The following SORCS2 variants were observed in gnomAD, a reference collection of about 807,000 sequenced individuals.
SORCS2 encodes sortilin related VPS10 domain containing receptor 2, also known as VPS10 domain-containing receptor SorCS2.
A neutral mutation model predicts 141.6 loss-of-function variants in SORCS2; 100 were observed. The observed-to-expected ratio is 0.71, with a 90% confidence interval of 0.60 to 0.83. The LOEUF (loss-of-function observed/expected upper bound fraction) is 0.83, where lower values mean the gene tolerates loss of function less well. SORCS2 is among the 40% of genes least tolerant of loss of function. The pLI is 0.00. For synonymous variants in SORCS2, 789 were observed against 676.9 expected, an observed-to-expected ratio of 1.17 and a Z score of -2.57; for missense variants, 1,646 against 1,560.2, an observed-to-expected ratio of 1.05 and a Z score of -0.93.
At chr4:7,486,429 A>G (rs2109388118) in intron 2 of SORCS2, among the ~76,000 whole-genome samples, 1 of 128,320 alleles carries the variant, frequency 7.8e-6, no homozygotes, top group South Asian at 2.4e-4. Flanking sequence ...CTGGCCCTGG[A>G]CAGGGTCACT....
intron 3 of SORCS2, among the ~76,000 whole-genome samples, chr4:7,549,464 C>T (rs1453933925): frequency 1.3e-5 from 2 of 151,948 alleles, no homozygotes; most frequent in Non-Finnish European, 2.9e-5. Flanking sequence ...AAGCCAGAGG[C>T]CCCTGAGGCC....
At chr4:7,661,472 G>T in intron 5 of SORCS2, 28 bp from the exon 6 acceptor site, 1 of 1,550,930 alleles carries the variant, frequency 6.4e-7, no homozygotes, top group Non-Finnish European at 8.7e-7. Context: ...CTCCATTCCC[G>T]ACCCCAGCCT....
chr4:7,661,485 G>A lies in SORCS2; in HGVS notation c.888-15G>A, dbSNP rs911148987. On this transcript the variant is annotated splice_polypyrimidine_tract_variant and intron_variant, in intron 5 of 26. Transcript: ENST00000507866. Reference sequence around the variant, plus strand: ...GACTCCATTCCCGACCCCAGCCTCAGCTCTTCTTTTCCAGGTCTGTGTCTG... The same window carrying A: ...GACTCCATTCCCGACCCCAGCCTCAACTCTTCTTTTCCAGGTCTGTGTCTG... The A allele has an allele frequency of 6.4e-7, 1 of 1,551,546 alleles. No individual in the cohort carries two copies. The highest frequency in any genetic ancestry group is 2.4e-5 in the East Asian group (1 of 40,886).
chr4:7,457,275 G>A (rs761870203), intron 2 of SORCS2, among the ~76,000 whole-genome samples: 1 of 152,232 alleles, frequency 6.6e-6, no homozygotes, highest in African/African-American at 2.4e-5. Flanking sequence ...CTCAGTGCTG[G>A]GTGAGGTGAC....
chr4:7,262,256 A>G (rs988950426), intron 1 of SORCS2, among the ~76,000 whole-genome samples: 1 of 145,134 alleles, frequency 6.9e-6, no homozygotes, highest in Non-Finnish European at 1.5e-5. Flanking sequence ...CCATCCACCC[A>G]CCTATCCATC....
rs1731529323 is a variant in SORCS2 at position 7,495,061 on chromosome 4, C to T, written c.549-36469C>T. Among the ~76,000 whole-genome samples, 3 of 152,342 alleles carry T rather than the reference C, an allele frequency of 2.0e-5. No individual in the cohort carries two copies. The South Asian group carries it at 6.2e-4, about 32-fold the overall frequency. ...GAAGAAACAGAGAGGCAGAGCAAGGCCCTGCGACGTCGAAATGGATTGTTC... is the reference window on the plus strand; with the variant it reads ...GAAGAAACAGAGAGGCAGAGCAAGGTCCTGCGACGTCGAAATGGATTGTTC... On this transcript the variant is annotated intron_variant, in intron 2 of 26. Transcript: ENST00000507866.
chr4:7,685,059 G>T (rs1277658776), intron 10 of SORCS2, among the ~76,000 whole-genome samples: 1 of 152,214 alleles, frequency 6.6e-6, no homozygotes, highest in African/African-American at 2.4e-5. Context: ...CCTGTGTGGA[G>T]AATTAATTAC....
At chr4:7,643,194 T>G (rs1720854856) in intron 4 of SORCS2, among the ~76,000 whole-genome samples, 1 of 152,202 alleles carries the variant, frequency 6.6e-6, no homozygotes, top group South Asian at 2.1e-4. Context: ...ACTTGGATCC[T>G]GGACAGCCTT....
intron 3 of SORCS2, among the ~76,000 whole-genome samples, chr4:7,592,072 AC>A (rs761359586): frequency 6.6e-6 from 1 of 152,190 alleles, no homozygotes. Context: ...TTTAAGCACC[AC>A]ATGAGCCCTG....
In SORCS2 at chr4:7,192,561, G is replaced by T; in HGVS notation, c.-86G>T. ...CTCCTTTCTCTGCGCTCTCGCTCGCGCTCCCCAGCGCCCTCCTGCTCTCCC... is the reference window on the plus strand; with the variant it reads ...CTCCTTTCTCTGCGCTCTCGCTCGCTCTCCCCAGCGCCCTCCTGCTCTCCC... On this transcript the variant is annotated 5_prime_UTR_variant, in exon 1 of 27. Transcript: ENST00000507866. This position sits in a 1 kb window ranked among gnomAD's most constrained non-coding sequence, Gnocchi z 4.0. The T allele has an allele frequency of 2.0e-6, 2 of 975,884 alleles. No homozygotes were observed. Among genetic ancestry groups the T allele is most frequent in the Non-Finnish European group, 2.4e-6 (2 of 821,722 alleles). 60.5% of individuals were successfully genotyped at this position (975,884 alleles called of 1,614,324 possible).
intron 19 of SORCS2, among the ~76,000 whole-genome samples, chr4:7,724,636 A>G (rs1398687478): frequency 7.8e-5 from 10 of 128,344 alleles, no homozygotes; most frequent in East Asian, 7.3e-4. Flanking sequence ...GATGGTGGTG[A>G]TGGTGGAGGT....
At position 7,728,338 on chromosome 4, in the gene SORCS2, G is replaced by C. The variant is rs1325824003; in HGVS notation, c.2870-12G>C. 2 of 1,605,660 alleles carry C rather than the reference G, an allele frequency of 1.2e-6. No individual in the cohort carries two copies. The highest frequency in any genetic ancestry group is 1.7e-6 in the Non-Finnish European group (2 of 1,173,614). On this transcript the variant is annotated splice_polypyrimidine_tract_variant and intron_variant, in intron 21 of 26. Coordinates refer to ENST00000507866, the MANE Select transcript of SORCS2 (RefSeq NM_020777.3). The stretch of plus-strand genomic sequence containing the variant: ...CAGAACTGACCAGTCTCCCTTCTCT[G>C]CGTCTTTCCAGATCAATTTCAAGTC...
At chr4:7,550,110 G>C (rs1344575491) in intron 3 of SORCS2, among the ~76,000 whole-genome samples, 1 of 105,464 alleles carries the variant, frequency 9.5e-6, no homozygotes, top group Non-Finnish European at 2.0e-5. Context: ...TTTTTTTTCC[G>C]TGTGTGTGTG....
chr4:7,715,307 C>T lies in SORCS2; in HGVS notation c.2248C>T (p.Leu750Phe). The change falls in exon 17 of 27, where the codon CTT (leucine) becomes TTT (phenylalanine). Residue 750 changes from leucine to phenylalanine, a missense_variant. Leu to Phe is a conservative substitution (Grantham distance 22). Coordinates refer to ENST00000507866, the MANE Select transcript of SORCS2 (RefSeq NM_020777.3). ...CCTGGGCCAGACCTACACCAGCAGC[C>T]TTGGGTGAGTGTGGGTGCGGGCCTC... ...CALGQTYTSSLGYRKVVSNVC... is the reference protein window; with the variant it reads ...CALGQTYTSSFGYRKVVSNVC... The T allele has an allele frequency of 6.2e-7, 1 of 1,613,982 alleles. No individual in the cohort carries two copies. The highest frequency in any genetic ancestry group is 1.3e-5 in the African/African-American group (1 of 75,070).
At chr4:7,474,364 A>G (rs1730161286) in intron 2 of SORCS2, among the ~76,000 whole-genome samples, 1 of 152,160 alleles carries the variant, frequency 6.6e-6, no homozygotes, top group Non-Finnish European at 1.5e-5. Context: ...TTATGGCCTG[A>G]TGGGCTGACA....
intron 9 of SORCS2, among the ~76,000 whole-genome samples, chr4:7,681,560 C>T (rs1046187031): frequency 1.3e-5 from 2 of 152,192 alleles, no homozygotes. Flanking sequence ...ACTGTAGCCG[C>T]ATGCCAGGCT....
chr4:7,700,385 G>A lies in SORCS2; in HGVS notation c.1669-2895G>A, dbSNP rs7659118. Among the ~76,000 whole-genome samples, 558 of 152,302 alleles carry A rather than the reference G, an allele frequency of 3.7e-3. 6 individuals carry two copies. Among genetic ancestry groups the A allele is most frequent in the African/African-American group, 0.013 (528 of 41,560 alleles). On this transcript the variant is annotated intron_variant, in intron 12 of 26. Coordinates refer to ENST00000507866, the MANE Select transcript of SORCS2 (RefSeq NM_020777.3). ...CACTGTCACTGTGCAGGGATGATCT[G>A]CCTCCTTGGGGGTCTCTCCCTAGGC... is the stretch of plus-strand genomic sequence containing the variant.
chr4:7,683,632 A>C (rs988348565), intron 10 of SORCS2, among the ~76,000 whole-genome samples: 1 of 152,176 alleles, frequency 6.6e-6, no homozygotes, highest in African/African-American at 2.4e-5. Context: ...TGGGAATTGT[A>C]CTCTGCCCAT....
intron 15 of SORCS2, among the ~76,000 whole-genome samples, chr4:7,713,336 G>A (rs1725955236): frequency 6.6e-6 from 1 of 152,094 alleles, no homozygotes; most frequent in Non-Finnish European, 1.5e-5. Context: ...TTCCAATCAG[G>A]CTGTGCTGCT....
Sources: gnomAD v4.1 joint callset for allele counts (sites outside exome capture counted in the v4.1 genomes callset) on GRCh38, gnomAD v4.1.1 for gene constraint, Gnocchi (gnomAD v3.1) non-coding constraint, MANE v1.5 for transcripts, NCBI Gene and HGNC (gene_info 2026-07-23, HGNC 2026-07-21) for gene names.